Variants in INSC observed in about 807,000 individuals in gnomAD.
INSC encodes protein inscuteable homolog.
INSC carries 67 observed loss-of-function variants against 58.6 expected under a neutral mutation model. That is an observed-to-expected ratio of 1.14 (90% CI 0.94 to 1.40). The LOEUF (loss-of-function observed/expected upper bound fraction) is 1.40. Ranked by LOEUF, INSC falls within the 40% of genes most tolerant of loss-of-function variation. The pLI, the probability that INSC is intolerant of heterozygous loss-of-function variation, is 0.00. For missense variants in INSC, 714 were observed against 692.0 expected (o/e 1.03, Z -0.36); for synonymous variants, 262 against 276.1 (o/e 0.95, Z 0.51).
intron 7 of INSC, among the ~76,000 whole-genome samples, chr11:15,202,168 A>G (rs550233614): frequency 1.8e-3 from 275 of 152,234 alleles, no homozygotes; most frequent in African/African-American, 6.4e-3. Context: ...AGATAGTGCC[A>G]GCTTTTTGGA....
At chr11:15,209,282 A>G (rs1467232397) in intron 7 of INSC, among the ~76,000 whole-genome samples, 2 of 152,208 alleles carry the variant, frequency 1.3e-5, no homozygotes, top group African/African-American at 4.8e-5. Context: ...ATTTCATCAC[A>G]GGTGAAAGTG....
At chr11:15,241,385 C>G (rs1041913013) in intron 12 of INSC, among the ~76,000 whole-genome samples, 1 of 152,182 alleles carries the variant, frequency 6.6e-6, no homozygotes, top group Non-Finnish European at 1.5e-5. Flanking sequence ...GAGCTTGTCT[C>G]TTTTCTGGGA....
intron 6 of INSC, among the ~76,000 whole-genome samples, chr11:15,198,940 A>T (rs1850474215): frequency 6.6e-6 from 1 of 152,148 alleles, no homozygotes; most frequent in African/African-American, 2.4e-5. Flanking sequence ...TTACTGAAGT[A>T]ATTACGTGCA....
intron 9 of INSC, among the ~76,000 whole-genome samples, chr11:15,230,019 TATATATATA>T (rs1851860781): frequency 2.0e-5 from 1 of 50,814 alleles, no homozygotes; most frequent in Non-Finnish European, 3.5e-5. Context: ...ATATAATATA[TATATATATA>T]TATATATATA....
the INSC span, among the ~76,000 whole-genome samples, chr11:15,259,433 A>G: frequency 6.6e-6 from 1 of 152,194 alleles, no homozygotes; most frequent in Non-Finnish European, 1.5e-5. Flanking sequence ...ATTTTCTCCC[A>G]AAAAGGAACT....
rs184733241 is a variant in INSC at position 15,115,484 on chromosome 11, G to A, written c.-46+481G>A. On this transcript the variant is annotated intron_variant, in intron 1 of 12. Transcript: ENST00000379556. ...TGACCTGACTTGTCCCAGCTGGGGT[G>A]TCTTCTCTGTGGGTCATTCAGCTTT... 9.1e-4 allele frequency among the ~76,000 whole-genome samples: 138 copies of A among 152,316 alleles called. 1 individual carries two copies. Among genetic ancestry groups the A allele is most frequent in the East Asian group, 7.7e-4 (4 of 5,184 alleles).
chr11:15,236,137 A>C (rs1335061266), intron 10 of INSC, among the ~76,000 whole-genome samples: 1 of 151,650 alleles, frequency 6.6e-6, no homozygotes, highest in African/African-American at 2.4e-5. Flanking sequence ...TATGTGTGCA[A>C]CTGGGTCTAT....
At chr11:15,262,262 C>T in the INSC span, among the ~76,000 whole-genome samples, 1 of 152,032 alleles carries the variant, frequency 6.6e-6, no homozygotes, top group Non-Finnish European at 1.5e-5. Flanking sequence ...AAGTTATATA[C>T]AACATCTTAT....
intron 2 of INSC, among the ~76,000 whole-genome samples, 180 bp from the exon 3 acceptor site, chr11:15,175,561 A>C (rs1010190160): frequency 1.3e-5 from 2 of 152,212 alleles, no homozygotes; most frequent in African/African-American, 4.8e-5. Flanking sequence ...TTTATGCTTC[A>C]GACTTCTTAT....
At chr11:15,256,896 C>A in the INSC span, among the ~76,000 whole-genome samples, 1 of 152,194 alleles carries the variant, frequency 6.6e-6, no homozygotes, top group African/African-American at 2.4e-5. Flanking sequence ...CACTCACACA[C>A]TTGATCTATG....
chr11:15,137,630 C>A (rs1045794589), intron 1 of INSC, among the ~76,000 whole-genome samples: 3 of 152,210 alleles, frequency 2.0e-5, no homozygotes, highest in African/African-American at 7.2e-5. Flanking sequence ...TAGCTTCCAA[C>A]TTTTCTCCTG....
At chr11:15,132,463 T>G (rs1375236115) in intron 1 of INSC, among the ~76,000 whole-genome samples, 1 of 152,058 alleles carries the variant, frequency 6.6e-6, no homozygotes, top group East Asian at 1.9e-4. Flanking sequence ...CTTTTTAAAT[T>G]TTTGTAGAGA....
At chr11:15,251,842 A>G (rs145637662), downstream of INSC, among the ~76,000 whole-genome samples, 112 of 152,322 alleles carry the variant, frequency 7.4e-4, 1 homozygote, top group Middle Eastern at 3.4e-3. Context: ...AAAATATTGA[A>G]CATAGAGTTA....
intron 1 of INSC, among the ~76,000 whole-genome samples, chr11:15,117,915 T>G (rs1441433940): frequency 2.0e-5 from 3 of 152,210 alleles, no homozygotes; most frequent in Non-Finnish European, 4.4e-5. Flanking sequence ...GGGCCATTGA[T>G]AAACACCCCC....
intron 2 of INSC, among the ~76,000 whole-genome samples, chr11:15,172,783 C>G (rs918785148): frequency 6.6e-5 from 10 of 152,010 alleles, no homozygotes; most frequent in Admixed American, 6.6e-5. Context: ...GTGTTTGTGG[C>G]AGGGGCGCTA....
chr11:15,164,467 C>T (rs1431688573), intron 2 of INSC, among the ~76,000 whole-genome samples: 1 of 152,104 alleles, frequency 6.6e-6, no homozygotes, highest in East Asian at 1.9e-4. Flanking sequence ...ATTTGGATTC[C>T]ACTCTCAGGA....
the INSC span, among the ~76,000 whole-genome samples, chr11:15,255,035 C>A: frequency 1.3e-5 from 2 of 152,128 alleles, no homozygotes; most frequent in South Asian, 4.1e-4. Context: ...ATTATTGATT[C>A]CTTTTTACAA....
chr11:15,154,744 A>G (rs1211525401), intron 2 of INSC, among the ~76,000 whole-genome samples: 1 of 152,168 alleles, frequency 6.6e-6, no homozygotes, highest in Non-Finnish European at 1.5e-5. Flanking sequence ...AAGTATCCCC[A>G]GGGACCCTTC....
intron 9 of INSC, among the ~76,000 whole-genome samples, chr11:15,234,098 A>G (rs1852029618): frequency 6.6e-6 from 1 of 152,268 alleles, no homozygotes; most frequent in African/African-American, 2.4e-5. Flanking sequence ...CTTAACTGCA[A>G]ATAGGAGCTA....
Sources: allele counts gnomAD v4.1 joint callset (sites outside exome capture counted in the v4.1 genomes callset), GRCh38; gene constraint gnomAD v4.1.1; transcripts MANE v1.5; gene names NCBI Gene and HGNC (gene_info 2026-07-23, HGNC 2026-07-21).